The following NKAIN3 variants were observed in gnomAD, a reference collection of about 807,000 sequenced individuals.
NKAIN3 encodes sodium/potassium-transporting ATPase subunit beta-1-interacting protein 3.
In NKAIN3, 25 loss-of-function variants were observed where a neutral mutation model predicts 30.2. The ratio of observed to expected loss-of-function variants is 0.83; its 90% CI spans 0.60 to 1.16. The LOEUF (loss-of-function observed/expected upper bound fraction) is 1.16, where lower values mean the gene tolerates loss of function less well. Ranked by LOEUF, NKAIN3 falls within the 50% of genes most tolerant of loss-of-function variation. The pLI is 0.00. For synonymous variants in NKAIN3, 91 were observed against 89.6 expected (o/e 1.02, Z -0.09); for missense variants, 225 against 254.1 (o/e 0.89, Z 0.78).
chr8:62,522,835 G>A (rs546609056), intron 1 of NKAIN3, among the ~76,000 whole-genome samples: 1 of 151,992 alleles, frequency 6.6e-6, no homozygotes, highest in South Asian at 2.1e-4. Flanking sequence ...AAGTGTTATT[G>A]CAAGAGTCAA....
intron 4 of NKAIN3, among the ~76,000 whole-genome samples, chr8:62,789,465 C>T (rs1817633373): frequency 6.6e-6 from 1 of 152,132 alleles, no homozygotes; most frequent in South Asian, 2.1e-4. Flanking sequence ...GATATACAAT[C>T]ACGTCATCTG....
chr8:62,996,693 A>G (rs568894654), intron 5 of NKAIN3, among the ~76,000 whole-genome samples: 17 of 152,310 alleles, frequency 1.1e-4, no homozygotes, highest in African/African-American at 4.1e-4. Context: ...TATTGGGTAA[A>G]TGTTCCTATT....
chr8:62,507,490 T>G (rs1807680038), intron 1 of NKAIN3, among the ~76,000 whole-genome samples: 1 of 152,182 alleles, frequency 6.6e-6, no homozygotes, highest in Non-Finnish European at 1.5e-5. Context: ...GTACCTAAAA[T>G]TAATACACAT....
At chr8:62,659,835 T>A (rs1201064094) in intron 3 of NKAIN3, among the ~76,000 whole-genome samples, 3 of 152,126 alleles carry the variant, frequency 2.0e-5, no homozygotes, top group Non-Finnish European at 2.9e-5. Flanking sequence ...AGTGAATAAG[T>A]CTCATGACAT....
At chr8:62,445,757 A>G (rs1242442736) in intron 1 of NKAIN3, among the ~76,000 whole-genome samples, 3 of 152,116 alleles carry the variant, frequency 2.0e-5, no homozygotes, top group Admixed American at 6.6e-5. Flanking sequence ...CTCTTACCCC[A>G]TCAAAAATCT....
At chr8:62,416,658 A>G (rs530474448) in intron 1 of NKAIN3, among the ~76,000 whole-genome samples, 1 of 152,192 alleles carries the variant, frequency 6.6e-6, no homozygotes, top group Non-Finnish European at 1.5e-5. Flanking sequence ...TTTGTGTTAC[A>G]AAAAATCAAT....
intron 1 of NKAIN3, among the ~76,000 whole-genome samples, chr8:62,463,538 A>G (rs931582398): frequency 6.6e-6 from 1 of 152,232 alleles, no homozygotes; most frequent in African/African-American, 2.4e-5. Context: ...TATATACAGC[A>G]TGGAAAGCTA....
chr8:62,765,914 A>G (rs755785002), intron 4 of NKAIN3, among the ~76,000 whole-genome samples: 44 of 152,156 alleles, frequency 2.9e-4, no homozygotes, highest in Non-Finnish European at 6.0e-4. Context: ...TTTTAAAAAT[A>G]TACTTTAAAA....
At chr8:62,524,789 T>C (rs548507846) in intron 1 of NKAIN3, among the ~76,000 whole-genome samples, 2 of 152,042 alleles carry the variant, frequency 1.3e-5, no homozygotes, top group Non-Finnish European at 2.9e-5. Flanking sequence ...CGTTGGTTAC[T>C]TGTTTACTTT....
At chr8:62,835,082 C>G (rs901789402) in intron 4 of NKAIN3, among the ~76,000 whole-genome samples, 1 of 152,014 alleles carries the variant, frequency 6.6e-6, no homozygotes, top group African/African-American at 2.4e-5. Context: ...GAAAAGGACT[C>G]CCCTATTCAA....
At chr8:62,839,120 G>T (rs1317102518) in intron 4 of NKAIN3, among the ~76,000 whole-genome samples, 1 of 152,040 alleles carries the variant, frequency 6.6e-6, no homozygotes, top group Admixed American at 6.6e-5. Flanking sequence ...CAGTTTCTCT[G>T]TTATGTTGTT....
intron 3 of NKAIN3, among the ~76,000 whole-genome samples, chr8:62,644,718 A>G (rs1812404487): frequency 6.6e-6 from 1 of 152,246 alleles, no homozygotes; most frequent in South Asian, 2.1e-4. Flanking sequence ...CTTTAATAAT[A>G]CTTTTGATTT....
At chr8:62,528,324 A>ATT (rs1491467644) in intron 1 of NKAIN3, among the ~76,000 whole-genome samples, 1 of 73,354 alleles carries the variant, frequency 1.4e-5, no homozygotes, top group Non-Finnish European at 2.6e-5. Flanking sequence ...TATATTATAT[A>ATT]ATATATATAT....
At chr8:62,936,624 T>C (rs1365349060) in intron 5 of NKAIN3, among the ~76,000 whole-genome samples, 1 of 152,202 alleles carries the variant, frequency 6.6e-6, no homozygotes, top group Non-Finnish European at 1.5e-5. Context: ...TCCCATGGAA[T>C]CTAAATGCTA....
At chr8:62,492,139 C>T (rs927357462) in intron 1 of NKAIN3, among the ~76,000 whole-genome samples, 1 of 151,844 alleles carries the variant, frequency 6.6e-6, no homozygotes, top group African/African-American at 2.4e-5. Flanking sequence ...AAAACGTTTT[C>T]AAGAAATTTA....
At chr8:62,627,079 C>T (rs866000303) in intron 3 of NKAIN3, among the ~76,000 whole-genome samples, 18 of 152,150 alleles carry the variant, frequency 1.2e-4, no homozygotes, top group African/African-American at 3.1e-4. Context: ...TTTCCCCCAA[C>T]GCCTCGGGGC....
chr8:62,549,722 C>T (rs1809131940), intron 1 of NKAIN3, among the ~76,000 whole-genome samples: 2 of 151,782 alleles, frequency 1.3e-5, no homozygotes, highest in African/African-American at 4.8e-5. Context: ...TCTCTATCTC[C>T]TACTCTTTTT....
Position 62,627,335 on chromosome 8 carries a change from T to C in NKAIN3, c.273+37541T>C, listed in dbSNP as rs183845573. On this transcript the variant is annotated intron_variant, in intron 3 of 6. Coordinates refer to ENST00000623646, the MANE Select transcript of NKAIN3 (RefSeq NM_001304533.3). Reference sequence around the variant, plus strand: ...ACACTGATGCAATCATTCAAATGCTTATGTCCTGGGAGGGTCTAAGTGCTT... The same window carrying C: ...ACACTGATGCAATCATTCAAATGCTCATGTCCTGGGAGGGTCTAAGTGCTT... Among the ~76,000 whole-genome samples, 34 of 152,270 alleles carry C rather than the reference T, an allele frequency of 2.2e-4. No individual in the cohort carries two copies. In the East Asian group the frequency reaches 5.8e-3, roughly 26 times the overall value.
chr8:62,616,862 A>T (rs1353626703), intron 3 of NKAIN3, among the ~76,000 whole-genome samples: 1 of 152,196 alleles, frequency 6.6e-6, no homozygotes, highest in East Asian at 1.9e-4. Context: ...TGTCCTCTCC[A>T]AATCTCATGG....
Sources: allele counts gnomAD v4.1 joint callset (sites outside exome capture counted in the v4.1 genomes callset), GRCh38; gene constraint gnomAD v4.1.1; transcripts MANE v1.5; gene names NCBI Gene and HGNC (gene_info 2026-07-23, HGNC 2026-07-21).